Variants in LSM14B observed in about 807,000 individuals in gnomAD.
LSM14B encodes LSM family member 14B.
LSM14B carries 8 observed loss-of-function variants against 42.1 expected under a neutral mutation model. The ratio of observed to expected loss-of-function variants is 0.19; its 90% CI spans 0.11 to 0.34. LSM14B has a LOEUF of 0.34. Among genes scored for constraint, LSM14B ranks in the 10% least tolerant of loss-of-function variants. LSM14B has a pLI of 1.00. For synonymous variants in LSM14B, 219 were observed against 209.7 expected, an observed-to-expected ratio of 1.04 and a Z score of -0.38; for missense variants, 396 against 513.1, an observed-to-expected ratio of 0.77 and a Z score of 2.21.
At position 62,130,458 on chromosome 20, in the gene LSM14B, A is replaced by G. The variant is rs1183092944; in HGVS notation, c.674-72A>G. The G allele has an allele frequency of 3.1e-5, 49 of 1,574,906 alleles. No homozygotes were observed. The highest frequency in any genetic ancestry group is 9.5e-6 in the Non-Finnish European group (11 of 1,158,476). On this transcript the variant is annotated intron_variant, in intron 5 of 8. Coordinates refer to ENST00000279068, the MANE Select transcript of LSM14B (RefSeq NM_144703.3). This position sits in a 1 kb window ranked among gnomAD's most constrained non-coding sequence, Gnocchi z 4.1. ...TGTGGCCTTGGGGGTGTGCCTGGAA[A>G]TTCCTTGTGAGGTGTTTGAGATCAC...
Position 62,122,478 on chromosome 20 carries a change from C to A in LSM14B, c.-189C>A. On this transcript the variant is annotated 5_prime_UTR_variant, in exon 1 of 9. Coordinates refer to ENST00000279068, the MANE Select transcript of LSM14B (RefSeq NM_144703.3). The surrounding 1 kb of genome is among the most constrained non-coding windows in gnomAD (Gnocchi z 4.6). ...CCCGCGCTCCTCTCAGAGCCCCAGT[C>A]GCGCGCCCCTTCTTGGTTCGCTCGG... 4.4e-6 allele frequency: 1 copy of A among 228,010 alleles called. No homozygotes were observed. Among genetic ancestry groups the A allele is most frequent in the Non-Finnish European group, 7.3e-6 (1 of 137,798 alleles). 14.1% of individuals were successfully genotyped at this position (228,010 alleles called of 1,614,324 possible).
chr20:62,127,296 C>T (rs2056635059), intron 3 of LSM14B, among the ~76,000 whole-genome samples: 1 of 152,188 alleles, frequency 6.6e-6, no homozygotes, highest in Non-Finnish European at 1.5e-5. Context: ...GTAGAATTGG[C>T]AGGTGATCCA....
intron 3 of LSM14B, chr20:62,129,048 C>T (rs144883110): frequency 3.9e-6 from 5 of 1,278,390 alleles, no homozygotes; most frequent in Non-Finnish European, 5.2e-6. Context: ...TGGTGCTTCC[C>T]ATTTTCCTCC....
In LSM14B at chr20:62,131,442, C is replaced by T. The variant is rs780850694; in HGVS notation, c.922C>T (p.Pro308Ser). The change falls in exon 7 of 9, where the codon CCC becomes TCC. Residue 308 changes from proline to serine, a missense_variant. Pro to Ser is a moderately conservative substitution (Grantham distance 74). This residue lies in a region of LSM14B where 118 missense variants were observed against 156.4 expected (regional missense o/e 0.75). Transcript: ENST00000279068. ...EAPAEEDLLGPNCYYDKSKSF... is the reference protein window; with the variant it reads ...EAPAEEDLLGSNCYYDKSKSF... The stretch of plus-strand genomic sequence containing the variant: ...GCCCGCTGAGGAAGACCTTCTGGGG[C>T]CCAACTGCTACTATGACAAATCCAA... The T allele has an allele frequency of 1.4e-5, 23 of 1,613,904 alleles. No homozygotes were observed. Among genetic ancestry groups the T allele is most frequent in the Non-Finnish European group, 1.9e-5 (23 of 1,179,868 alleles).
At position 62,130,917 on chromosome 20, in the gene LSM14B, G is replaced by A. The variant is rs938296661; in HGVS notation, c.835+226G>A. Among the ~76,000 whole-genome samples the A allele has an allele frequency of 2.0e-5, 3 of 152,126 alleles. No homozygotes were observed. Among genetic ancestry groups the A allele is most frequent in the Non-Finnish European group, 2.9e-5 (2 of 68,018 alleles). On this transcript the variant is annotated intron_variant, in intron 6 of 8. Transcript: ENST00000279068. The surrounding 1 kb of genome is among the most constrained non-coding windows in gnomAD (Gnocchi z 4.1). Reference sequence around the variant, plus strand: ...AAATTAGCCAGGCGTGGTGGTGGGCGCCTGTAATCCCAGCTACTCGGGAGA... The same window carrying A: ...AAATTAGCCAGGCGTGGTGGTGGGCACCTGTAATCCCAGCTACTCGGGAGA...
intron 8 of LSM14B, 34 bp downstream of exon 8, chr20:62,133,509 G>T: frequency 1.9e-6 from 3 of 1,597,640 alleles, no homozygotes; most frequent in Non-Finnish European, 2.6e-6. Context: ...GCTTTGGTGG[G>T]AGGGTGTAGG....
rs1178341484 is a variant in LSM14B, at chr20:62,135,072, T to C, written c.*924T>C. 6.6e-6 allele frequency: 1 copy of C among 152,116 alleles called. No individual in the cohort carries two copies. The highest frequency in any genetic ancestry group is 1.5e-5 in the Non-Finnish European group (1 of 68,046). 9.4% of individuals were successfully genotyped at this position (152,116 alleles called of 1,614,324 possible). A position where few individuals can be genotyped will look rare whatever the true frequency, so the allele number is the denominator to read the frequency against. Reference sequence around the variant, plus strand: ...TCTGTTGTACATCGTTGTTTTGTGTTTGTGTTGTAACAGTGGGTGGAGGGA... The same window carrying C: ...TCTGTTGTACATCGTTGTTTTGTGTCTGTGTTGTAACAGTGGGTGGAGGGA... On this transcript the variant is annotated 3_prime_UTR_variant, in exon 9 of 9. Transcript: ENST00000279068.
chr20:62,132,732 T>C lies in LSM14B; in HGVS notation c.987-558T>C, dbSNP rs139210449. Among the ~76,000 whole-genome samples the C allele has an allele frequency of 8.0e-4, 122 of 152,290 alleles. 1 individual carries two copies. In the East Asian group the frequency reaches 0.021, roughly 26 times the overall value. The stretch of plus-strand genomic sequence containing the variant: ...CAGGGTGGGTGTGCTGCTGGAGCTG[T>C]TGTCTGCGTCGGTAGGAGTGCTGGG... On this transcript the variant is annotated intron_variant, in intron 7 of 8. Coordinates refer to ENST00000279068, the MANE Select transcript of LSM14B (RefSeq NM_144703.3).
chr20:62,132,731 G>A lies in LSM14B; in HGVS notation c.987-559G>A, dbSNP rs1306254098. Among the ~76,000 whole-genome samples the A allele has an allele frequency of 3.3e-5, 5 of 152,216 alleles. No individual in the cohort carries two copies. The East Asian group carries it at 7.7e-4, about 23-fold the overall frequency. On this transcript the variant is annotated intron_variant, in intron 7 of 8. Coordinates refer to ENST00000279068, the MANE Select transcript of LSM14B (RefSeq NM_144703.3). ...TCAGGGTGGGTGTGCTGCTGGAGCT[G>A]TTGTCTGCGTCGGTAGGAGTGCTGG...
chr20:62,133,005 A>G (rs1229490010), intron 7 of LSM14B, among the ~76,000 whole-genome samples: 1 of 152,150 alleles, frequency 6.6e-6, no homozygotes, highest in African/African-American at 2.4e-5. Flanking sequence ...AGCGAGCAAC[A>G]GCGGCTGCCT....
intron 3 of LSM14B, chr20:62,128,947 T>C (rs772040760): frequency 7.7e-7 from 1 of 1,304,140 alleles, no homozygotes; most frequent in South Asian, 1.2e-5. Flanking sequence ...GTTTCAGATC[T>C]CTGTTCACTT....
intron 3 of LSM14B, 36 bp from the exon 4 acceptor site, chr20:62,129,749 C>G (rs753194415): frequency 8.3e-6 from 13 of 1,558,854 alleles, no homozygotes; most frequent in African/African-American, 1.4e-5. Context: ...CTTCTTTTCT[C>G]TCTGTTTTTA....
At chr20:62,124,400 G>C (rs1341248027) in intron 1 of LSM14B, among the ~76,000 whole-genome samples, 1 of 152,246 alleles carries the variant, frequency 6.6e-6, no homozygotes, top group African/African-American at 2.4e-5. Flanking sequence ...TTGTGATCTA[G>C]AGCTGTCTGT....
chr20:62,128,286 G>C (rs901854584), intron 3 of LSM14B, among the ~76,000 whole-genome samples: 7 of 152,220 alleles, frequency 4.6e-5, no homozygotes, highest in African/African-American at 1.7e-4. Context: ...TTCCCCTGAA[G>C]TTCTAAAATT....
chr20:62,130,354 T>C lies in LSM14B; in HGVS notation c.673+58T>C. ...CACGAGTGATCAGGCTGAGCTCTGC[T>C]TGCCCTCCTGCCTGCTTCTCTGGTT... On this transcript the variant is annotated intron_variant, in intron 5 of 8. Coordinates refer to ENST00000279068, the MANE Select transcript of LSM14B (RefSeq NM_144703.3). This position sits in a 1 kb window ranked among gnomAD's most constrained non-coding sequence, Gnocchi z 4.1. 8 of 1,549,920 alleles carry C rather than the reference T, an allele frequency of 5.2e-6. No homozygotes were observed. The highest frequency in any genetic ancestry group is 6.1e-6 in the Non-Finnish European group (7 of 1,143,268).
intron 7 of LSM14B, among the ~76,000 whole-genome samples, chr20:62,132,414 C>T (rs565729190): frequency 6.6e-6 from 1 of 152,314 alleles, no homozygotes; most frequent in South Asian, 2.1e-4. Context: ...TGATGTTTTA[C>T]GGCGTCCTTG....
rs1225936516 is a variant in LSM14B at position 62,130,985 on chromosome 20, A to G, written c.835+294A>G. On this transcript the variant is annotated intron_variant, in intron 6 of 8. Transcript: ENST00000279068. This position sits in a 1 kb window ranked among gnomAD's most constrained non-coding sequence, Gnocchi z 4.1. ...TTTGAACCCAGGAGGTGGAGGTTGCAGTGGGAGTGAGCCAAGATTGCGCCA... is the reference window on the plus strand; with the variant it reads ...TTTGAACCCAGGAGGTGGAGGTTGCGGTGGGAGTGAGCCAAGATTGCGCCA... Among the ~76,000 whole-genome samples, 1 of 152,184 alleles carries G rather than the reference A, an allele frequency of 6.6e-6. No individual in the cohort carries two copies. Among genetic ancestry groups the G allele is most frequent in the Non-Finnish European group, 1.5e-5 (1 of 68,022 alleles).
chr20:62,124,818 G>A (rs771330790), intron 2 of LSM14B, 38 bp downstream of exon 2: 8 of 1,572,968 alleles, frequency 5.1e-6, no homozygotes, highest in Non-Finnish European at 6.1e-6. Context: ...TGCTGTAGGA[G>A]ATGCTGGTTT....
intron 3 of LSM14B, chr20:62,127,502 C>A: frequency 9.9e-7 from 1 of 1,008,770 alleles, no homozygotes. Context: ...TTGGCTCTTT[C>A]CAAGCTTGCT....
Sources: gnomAD v4.1 joint callset for allele counts (sites outside exome capture counted in the v4.1 genomes callset) on GRCh38, gnomAD v4.1.1 for gene constraint, gnomAD v4.1.1 regional missense constraint, Gnocchi (gnomAD v3.1) non-coding constraint, MANE v1.5 for transcripts, NCBI Gene and HGNC (gene_info 2026-07-23, HGNC 2026-07-21) for gene names.